The following AKAP8 variants were observed in gnomAD, a reference collection of about 807,000 sequenced individuals.
AKAP8 encodes the protein A-kinase anchoring protein 8.
Under a neutral mutation model 67.5 loss-of-function variants are expected in AKAP8, and 24 were observed. That is an observed-to-expected ratio of 0.36 (90% CI 0.26 to 0.50). AKAP8 has a LOEUF of 0.50. Ranked by LOEUF, AKAP8 falls within the 20% of genes least tolerant of loss-of-function variation. The pLI is 0.97. For missense variants in AKAP8, 971 were observed against 955.9 expected (o/e 1.02, Z -0.21); for synonymous variants, 400 against 371.1 (o/e 1.08, Z -0.90).
In AKAP8 at chr19:15,354,547, C is replaced by T. The variant is rs1177044599; in HGVS notation, c.*368G>A. 1 of 225,648 alleles carries T rather than the reference C, an allele frequency of 4.4e-6. No homozygotes were observed. Among genetic ancestry groups the T allele is most frequent in the African/African-American group, 2.3e-5 (1 of 43,320 alleles). The allele number at this position is 225,648 out of a possible 1,614,324, so 14.0% of individuals were successfully genotyped here. A position where few individuals can be genotyped will look rare whatever the true frequency, so the allele number is the denominator to read the frequency against. On this transcript the variant is annotated 3_prime_UTR_variant, in exon 14 of 14. Coordinates refer to ENST00000269701, the MANE Select transcript of AKAP8 (RefSeq NM_005858.4). ...TTCCTAGTATTCAGCTGTTCCCAAC[C>T]AAATAAAAAAAAAAATTAAGGAAAA...
intron 9 of AKAP8, among the ~76,000 whole-genome samples, chr19:15,365,899 T>C (rs1032511596): frequency 3.3e-5 from 5 of 152,010 alleles, no homozygotes; most frequent in Middle Eastern, 3.4e-3. Context: ...GGCGGGCGCC[T>C]GTAATTCCAG....
At chr19:15,378,886 G>A (rs1599577341) in intron 1 of AKAP8, 2 of 152,608 alleles carry the variant, frequency 1.3e-5, no homozygotes, top group African/African-American at 4.8e-5. Context: ...AGTGGGGAAA[G>A]GACACGTTCC....
At chr19:15,363,355 G>GC (rs1376182664) in intron 9 of AKAP8, among the ~76,000 whole-genome samples, 3 of 130,568 alleles carry the variant, frequency 2.3e-5, no homozygotes, top group South Asian at 4.9e-4. Flanking sequence ...GAGGGAGGTG[G>GC]GGGGGGGTCA....
rs201103360 is a variant in AKAP8 at position 15,374,588 on chromosome 19, C to G, written c.91+15G>C. ...CACTTGCCCGCCCACAGACCCCCCC[C>G]ACAGAAGGGCTTACCTTGCCAGCTG... is the stretch of plus-strand genomic sequence containing the variant. On this transcript the variant is annotated intron_variant, in intron 3 of 13. Transcript: ENST00000269701. The G allele has an allele frequency of 1.9e-5, 30 of 1,613,054 alleles. No individual in the cohort carries two copies. In the East Asian group the frequency reaches 5.4e-4, roughly 29 times the overall value.
At chr19:15,359,291 C>CAT (rs745528308) in intron 12 of AKAP8, among the ~76,000 whole-genome samples, 1 of 152,212 alleles carries the variant, frequency 6.6e-6, no homozygotes, top group Non-Finnish European at 1.5e-5. Flanking sequence ...CACTGATACC[C>CAT]ATGTAGCACA....
chr19:15,358,211 C>CG (rs1782643041), intron 13 of AKAP8, among the ~76,000 whole-genome samples: 1 of 152,180 alleles, frequency 6.6e-6, no homozygotes, highest in Non-Finnish European at 1.5e-5. Flanking sequence ...TCTCCATGAG[C>CG]ACCCACTTTG....
intron 9 of AKAP8, among the ~76,000 whole-genome samples, chr19:15,366,154 G>GAAAAAAAAAAAAAAACAAAAAGA (rs374068497): frequency 1.1e-5 from 1 of 95,022 alleles, no homozygotes; most frequent in Non-Finnish European, 1.9e-5. Flanking sequence ...AAAGCAAAAA[G>GAAAAAAAAAAAAAAACAAAAAGA]AAAAAAAAAA....
chr19:15,372,362 C>G lies in AKAP8; in HGVS notation c.862-15G>C. On this transcript the variant is annotated splice_polypyrimidine_tract_variant and intron_variant, in intron 5 of 13. Coordinates refer to ENST00000269701, the MANE Select transcript of AKAP8 (RefSeq NM_005858.4). ...CTCCTCTTGGGCTACAGACAACAAG[C>G]ACACCCCATGAGCTACTTACGAGGG... 1 of 1,614,032 alleles carries G rather than the reference C, an allele frequency of 6.2e-7. No homozygotes were observed. The highest frequency in any genetic ancestry group is 8.5e-7 in the Non-Finnish European group (1 of 1,179,896).
chr19:15,374,272 C>T (rs1000216337), intron 3 of AKAP8, among the ~76,000 whole-genome samples: 23 of 152,186 alleles, frequency 1.5e-4, no homozygotes, highest in East Asian at 1.9e-4. Flanking sequence ...TGCCGAGCGG[C>T]GGGTTTTCCA....
chr19:15,378,643 G>A (rs1475974422), intron 1 of AKAP8, among the ~76,000 whole-genome samples: 1 of 152,144 alleles, frequency 6.6e-6, no homozygotes, highest in African/African-American at 2.4e-5. Flanking sequence ...ACCTCTCTCT[G>A]CAATTTCTGG....
At chr19:15,357,727 T>C (rs1330170335) in intron 13 of AKAP8, among the ~76,000 whole-genome samples, 2 of 149,872 alleles carry the variant, frequency 1.3e-5, no homozygotes, top group Non-Finnish European at 3.0e-5. Flanking sequence ...TTTTTTTTTT[T>C]TTTTGAGACA....
In AKAP8 at chr19:15,362,191, C is replaced by T. The variant is rs1966977812; in HGVS notation, c.1221G>A (p.Lys407=). The change falls in exon 10 of 14, where the codon AAG becomes AAA. Residue 407 remains lysine, a synonymous_variant. Coordinates refer to ENST00000269701, the MANE Select transcript of AKAP8 (RefSeq NM_005858.4). ...FRSFDDEEIQ[K]HLQSKFHKET... is the part of the protein sequence containing the mutation. ...CTTTGTGAAATTTGCTTTGCAGATG[C>T]TTCTGGATCTCTTCGTCATCAAAGC... 5 of 1,613,994 alleles carry T rather than the reference C, an allele frequency of 3.1e-6. No individual in the cohort carries two copies. The East Asian group carries it at 1.1e-4, about 36-fold the overall frequency.
intron 9 of AKAP8, among the ~76,000 whole-genome samples, chr19:15,367,852 G>A (rs989816997): frequency 4.6e-5 from 7 of 152,228 alleles, no homozygotes; most frequent in African/African-American, 1.4e-4. Flanking sequence ...AGGCTAGGGG[G>A]CAGGGATGCC....
intron 7 of AKAP8, 98 bp from the exon 8 acceptor site, chr19:15,370,277 CCCAAGA>C: frequency 2.1e-6 from 3 of 1,406,596 alleles, no homozygotes; most frequent in Non-Finnish European, 3.0e-6. Context: ...GGCAGTCTCA[CCCAAGA>C]CCTAGGTTGC....
chr19:15,367,096 T>C (rs1178085077), intron 9 of AKAP8, among the ~76,000 whole-genome samples: 1 of 152,154 alleles, frequency 6.6e-6, no homozygotes, highest in African/African-American at 2.4e-5. Flanking sequence ...TTAGTAGAGA[T>C]GGGTTTCACC....
intron 9 of AKAP8, 83 bp downstream of exon 9, chr19:15,368,152 G>T: frequency 1.3e-6 from 2 of 1,561,178 alleles, no homozygotes; most frequent in Admixed American, 1.7e-5. Context: ...CCCCAGCATT[G>T]TGGAGCGAGG....
At chr19:15,363,945 G>A (rs1412390871) in intron 9 of AKAP8, among the ~76,000 whole-genome samples, 1 of 151,752 alleles carries the variant, frequency 6.6e-6, no homozygotes, top group East Asian at 1.9e-4. Context: ...TTGTTAAACA[G>A]ATGCTTGAAG....
rs986653136 is a variant in AKAP8, at chr19:15,357,494, G to C, written c.1623+1473C>G. 2.1e-5 allele frequency among the ~76,000 whole-genome samples: 3 copies of C among 145,626 alleles called. No homozygotes were observed. In the East Asian group the frequency reaches 6.0e-4, roughly 29 times the overall value. On this transcript the variant is annotated intron_variant, in intron 13 of 13. Transcript: ENST00000269701. ...GTGGTGGTGTACTATTGCAGTCCCA[G>C]CTACCTGGCAGGCTGAGTGGGGAGG... is the stretch of plus-strand genomic sequence containing the variant.
In AKAP8 at chr19:15,368,302, C is replaced by CG; in HGVS notation, c.1092dup (p.Glu365ArgfsTer35). On this transcript the variant is annotated frameshift_variant, in exon 9 of 14. Coordinates refer to ENST00000269701, the MANE Select transcript of AKAP8 (RefSeq NM_005858.4). LOFTEE classifies it high-confidence loss of function. ...TTTTCCCTTCTCTTCTTCACATCCT[C>CG]GTCCTCGTCCTCCTTCTCTCCTGTA... 1.2e-6 allele frequency: 2 copies of CG among 1,613,678 alleles called. No individual in the cohort carries two copies. Among genetic ancestry groups the CG allele is most frequent in the African/African-American group, 2.7e-5 (2 of 75,054 alleles).
Sources: allele counts gnomAD v4.1 joint callset (sites outside exome capture counted in the v4.1 genomes callset), GRCh38; gene constraint gnomAD v4.1.1; transcripts MANE v1.5; gene names NCBI Gene and HGNC (gene_info 2026-07-23, HGNC 2026-07-21).